Variants in IHO1 observed in about 807,000 individuals in gnomAD.
IHO1 encodes interactor of HORMAD1 protein 1.
A neutral mutation model predicts 31.0 loss-of-function variants in IHO1; 13 were observed. The observed-to-expected ratio is 0.42, with a 90% CI of 0.27 to 0.67. The LOEUF (loss-of-function observed/expected upper bound fraction) is 0.67. Among genes scored for constraint, IHO1 ranks in the 30% least tolerant of loss-of-function variants. The pLI is 0.24. For missense variants in IHO1, 599 were observed against 687.5 expected, an observed-to-expected ratio of 0.87 and a Z score of 1.44; for synonymous variants, 221 against 248.4, an observed-to-expected ratio of 0.89 and a Z score of 1.04.
In IHO1 at chr3:49,256,066, C is replaced by T. The variant is rs2046817774; in HGVS notation, c.637-68C>T. 1 of 1,358,966 alleles carries T rather than the reference C, an allele frequency of 7.4e-7. No homozygotes were observed. The highest frequency in any genetic ancestry group is 1.4e-5 in the South Asian group (1 of 73,124). The allele number at this position is 1,358,966 out of a possible 1,614,324, so 84.2% of individuals were successfully genotyped here. ...CTGCTGTCACATCCATTGGTCTGTT[C>T]TCATGTTTTATTGTGCTTTCTGACT... is the stretch of plus-strand genomic sequence containing the variant. On this transcript the variant is annotated intron_variant, in intron 7 of 7. Coordinates refer to ENST00000452691, the MANE Select transcript of IHO1 (RefSeq NM_001135197.2). The surrounding 1 kb of genome is among the most constrained non-coding windows in gnomAD (Gnocchi z 4.6).
At chr3:49,248,236 C>G (rs2046719989) in intron 6 of IHO1, among the ~76,000 whole-genome samples, 1 of 151,126 alleles carries the variant, frequency 6.6e-6, no homozygotes, top group South Asian at 2.1e-4. Context: ...TCTTGGCTAA[C>G]ACGGTGAAAC....
intron 2 of IHO1, among the ~76,000 whole-genome samples, chr3:49,225,994 T>C (rs546992530): frequency 3.3e-5 from 5 of 152,304 alleles, no homozygotes; most frequent in Admixed American, 3.3e-4. Context: ...TCTGGGGTAG[T>C]GCACCTTCCA....
intron 3 of IHO1, among the ~76,000 whole-genome samples, chr3:49,239,645 A>T (rs954725709): frequency 2.0e-5 from 3 of 149,292 alleles, no homozygotes; most frequent in African/African-American, 7.4e-5. Flanking sequence ...GCTGGTCTTG[A>T]ACTCCTGGGC....
chr3:49,234,162 G>GTTTTTTT (rs56802492), intron 2 of IHO1, among the ~76,000 whole-genome samples: 5 of 91,928 alleles, frequency 5.4e-5, no homozygotes, highest in Admixed American at 3.4e-4. Context: ...TTTTGTTGTT[G>GTTTTTTT]TTTTTTTTTT....
At chr3:49,212,347 TAA>T (rs60105146) in intron 2 of IHO1, among the ~76,000 whole-genome samples, 32 of 147,548 alleles carry the variant, frequency 2.2e-4, no homozygotes, top group Admixed American at 1.0e-3. Flanking sequence ...CCATCTCCAC[TAA>T]AAAAAAAAAT....
intron 6 of IHO1, among the ~76,000 whole-genome samples, chr3:49,247,655 G>A (rs984590914): frequency 2.0e-5 from 3 of 151,896 alleles, no homozygotes; most frequent in African/African-American, 7.3e-5. Flanking sequence ...CAGGGCATGG[G>A]ACATATGCCT....
chr3:49,209,721 CT>C (rs577328597), intron 1 of IHO1, among the ~76,000 whole-genome samples: 1,706 of 145,280 alleles, frequency 0.012, 28 homozygotes, highest in Non-Finnish European at 0.012. Flanking sequence ...AATGACATGT[CT>C]TTTTTTTTTT....
At chr3:49,241,838 C>A (rs976754507) in intron 4 of IHO1, among the ~76,000 whole-genome samples, 75 of 152,068 alleles carry the variant, frequency 4.9e-4, no homozygotes, top group African/African-American at 1.8e-3. Context: ...CCAGGCTGGT[C>A]ACAAACTCCT....
chr3:49,239,363 C>T lies in IHO1; in HGVS notation c.232-1863C>T, dbSNP rs373857572. 2.0e-5 allele frequency among the ~76,000 whole-genome samples: 3 copies of T among 151,928 alleles called. No individual in the cohort carries two copies. The East Asian group carries it at 5.8e-4, about 29-fold the overall frequency. On this transcript the variant is annotated intron_variant, in intron 3 of 7. Coordinates refer to ENST00000452691, the MANE Select transcript of IHO1 (RefSeq NM_001135197.2). ...GTGGCATGATCTCAGCTCACTACAA[C>T]CTCTGCCTCCCGGGTTCAAGCGATT...
At chr3:49,221,631 G>C (rs956870018) in intron 2 of IHO1, among the ~76,000 whole-genome samples, 4 of 152,214 alleles carry the variant, frequency 2.6e-5, no homozygotes, top group Admixed American at 6.5e-5. Flanking sequence ...CTCCAGAGGG[G>C]AACTCTCTAG....
chr3:49,225,912 T>G (rs1379054431), intron 2 of IHO1, among the ~76,000 whole-genome samples: 1 of 151,886 alleles, frequency 6.6e-6, no homozygotes, highest in African/African-American at 2.4e-5. Flanking sequence ...GAGCTGGCGC[T>G]TGCCCCGGGC....
chr3:49,251,491 G>T (rs2046758918), intron 6 of IHO1, among the ~76,000 whole-genome samples: 1 of 151,494 alleles, frequency 6.6e-6, no homozygotes, highest in African/African-American at 2.4e-5. Context: ...CACCATGTTG[G>T]CCAGGAAGGT....
At chr3:49,249,576 C>T (rs140989511) in intron 6 of IHO1, among the ~76,000 whole-genome samples, 1 of 152,106 alleles carries the variant, frequency 6.6e-6, no homozygotes, top group Non-Finnish European at 1.5e-5. Context: ...CCATGGACAA[C>T]ATTTTTATAA....
intron 6 of IHO1, 120 bp downstream of exon 6, chr3:49,244,853 G>C (rs2046675682): frequency 1.2e-6 from 1 of 837,658 alleles, no homozygotes; most frequent in South Asian, 1.3e-5. Flanking sequence ...ATGAGAGGAT[G>C]GGTATATAGG....
chr3:49,256,593 G>C lies in IHO1; in HGVS notation c.1096G>C (p.Gly366Arg). 1 of 1,614,238 alleles carries C rather than the reference G, an allele frequency of 6.2e-7. No individual in the cohort carries two copies. The change falls in exon 8 of 8, where the codon GGT becomes CGT. Residue 366 changes from glycine to arginine, a missense_variant. Coordinates refer to ENST00000452691, the MANE Select transcript of IHO1 (RefSeq NM_001135197.2). The surrounding 1 kb of genome is among the most constrained non-coding windows in gnomAD (Gnocchi z 4.6). The part of the protein sequence containing the change: ...NCKNWAVTKT[G>R]AKNHGSSVPG... ...CAAGAACTGGGCTGTTACTAAAACA[G>C]GTGCCAAGAACCATGGTTCCAGCGT...
In IHO1 at chr3:49,225,462, CA is replaced by C. The variant is rs752610444; in HGVS notation, c.57-11073del. On this transcript the variant is annotated intron_variant, in intron 2 of 7. Coordinates refer to ENST00000452691, the MANE Select transcript of IHO1 (RefSeq NM_001135197.2). ...TGGGTGACAGAGTGAGACTCCGTCTCAAAAAAAAAAAAAGAAAAGTTTTGTC... is the reference window on the plus strand; with the variant it reads ...TGGGTGACAGAGTGAGACTCCGTCTCAAAAAAAAAAAAGAAAAGTTTTGTC... 7.9e-3 allele frequency among the ~76,000 whole-genome samples: 1,023 copies of C among 129,966 alleles called. 9 individuals carry two copies. The highest frequency in any genetic ancestry group is 0.023 in the African/African-American group (821 of 35,292). The allele number at this position is 129,966 out of a possible 152,430, so 85.3% of individuals were successfully genotyped here.
intron 4 of IHO1, among the ~76,000 whole-genome samples, chr3:49,241,674 G>A (rs1171920874): frequency 2.0e-5 from 3 of 151,942 alleles, no homozygotes; most frequent in Non-Finnish European, 2.9e-5. Context: ...AGGCTGGAGT[G>A]CAGTGGCACA....
Position 49,257,357 on chromosome 3 carries a change from A to G in IHO1, c.*75A>G. The G allele has an allele frequency of 6.9e-7, 1 of 1,442,682 alleles. No homozygotes were observed. Among genetic ancestry groups the G allele is most frequent in the Non-Finnish European group, 9.5e-7 (1 of 1,051,310 alleles). The allele number at this position is 1,442,682 out of a possible 1,614,324, so 89.4% of individuals were successfully genotyped here. The stretch of plus-strand genomic sequence containing the variant: ...ACATTTGGGCTGGCCAACAGCAGAA[A>G]GTCCCTGAAGCCTGCCAAGTACCCA... On this transcript the variant is annotated 3_prime_UTR_variant, in exon 8 of 8. Coordinates refer to ENST00000452691, the MANE Select transcript of IHO1 (RefSeq NM_001135197.2).
intron 6 of IHO1, among the ~76,000 whole-genome samples, chr3:49,252,882 A>C (rs1178188150): frequency 6.6e-6 from 1 of 151,906 alleles, no homozygotes; most frequent in Non-Finnish European, 1.5e-5. Flanking sequence ...TCTCTACTAA[A>C]AATACAAAAA....
Sources: allele counts gnomAD v4.1 joint callset (sites outside exome capture counted in the v4.1 genomes callset), GRCh38; gene constraint gnomAD v4.1.1; non-coding constraint Gnocchi (gnomAD v3.1); transcripts MANE v1.5; gene names NCBI Gene and HGNC (gene_info 2026-07-23, HGNC 2026-07-21).